CDKN2B-AS1: variants seen among roughly 807,000 people sequenced by gnomAD.
CDKN2B-AS1 encodes the protein CDKN2B antisense RNA 1 (non-protein coding).
chr9:22,048,680 AT>A (rs1406780054), intron 2 of CDKN2B-AS1, among the ~76,000 whole-genome samples: 1 of 152,150 alleles, frequency 6.6e-6, no homozygotes, highest in Non-Finnish European at 1.5e-5. Context: ...AGTACAACAA[AT>A]GAGTGAAATT....
intron 1 of CDKN2B-AS1, among the ~76,000 whole-genome samples, chr9:22,018,248 C>G (rs940062005): frequency 3.4e-5 from 5 of 149,138 alleles, no homozygotes; most frequent in Admixed American, 6.7e-5. Flanking sequence ...TGCTTGAACC[C>G]AGGAGGCAGA....
chr9:22,070,589 T>A (rs1352654787), intron 4 of CDKN2B-AS1, among the ~76,000 whole-genome samples: 1 of 152,120 alleles, frequency 6.6e-6, no homozygotes, highest in Non-Finnish European at 1.5e-5. Context: ...TAGGGCGTCC[T>A]GGGCAGAGGA....
rs1404646068 is a variant in CDKN2B-AS1, at chr9:22,000,861, C to G, written n.29+5700C>G. On this transcript the variant is annotated intron_variant and non_coding_transcript_variant, in intron 1 of 4. Transcript: ENST00000650946. The surrounding 1 kb of genome is among the most constrained non-coding windows in gnomAD (Gnocchi z 4.1). ...CCCGAAGAACAATGGATTATCCTTACATATTTGGTTTGGGATTACATTGAG... is the reference window on the plus strand; with the variant it reads ...CCCGAAGAACAATGGATTATCCTTAGATATTTGGTTTGGGATTACATTGAG... Among the ~76,000 whole-genome samples, 3 of 152,118 alleles carry G rather than the reference C, an allele frequency of 2.0e-5. No homozygotes were observed. The highest frequency in any genetic ancestry group is 2.9e-5 in the Non-Finnish European group (2 of 67,998).
intron 4 of CDKN2B-AS1, among the ~76,000 whole-genome samples, chr9:22,059,329 G>A (rs1823708036): frequency 6.6e-6 from 1 of 152,148 alleles, no homozygotes; most frequent in South Asian, 2.1e-4. Flanking sequence ...TTCCAAATGG[G>A]AGAAATTGGC....
chr9:22,087,209 G>C (rs1385971030), intron 4 of CDKN2B-AS1, among the ~76,000 whole-genome samples: 1 of 152,196 alleles, frequency 6.6e-6, no homozygotes, highest in African/African-American at 2.4e-5. Flanking sequence ...TTTAAGGTAA[G>C]TTTTCTTTCC....
At chr9:22,101,267 A>G (rs543087894) in intron 4 of CDKN2B-AS1, among the ~76,000 whole-genome samples, 1 of 150,170 alleles carries the variant, frequency 6.7e-6, no homozygotes, top group African/African-American at 2.5e-5. Context: ...AAATCTGTGT[A>G]TTACTTTCAA....
At chr9:22,011,257 C>G (rs969048998) in intron 1 of CDKN2B-AS1, among the ~76,000 whole-genome samples, 1 of 152,216 alleles carries the variant, frequency 6.6e-6, no homozygotes, top group Admixed American at 6.5e-5. Context: ...CTTTGAAAAA[C>G]CAACCTGCTC....
intron 1 of CDKN2B-AS1, among the ~76,000 whole-genome samples, chr9:22,027,402 G>A (rs1822285764): frequency 1.3e-5 from 2 of 152,038 alleles, no homozygotes; most frequent in South Asian, 4.1e-4. Flanking sequence ...AAAACTCAGA[G>A]GACAGGATAA....
At chr9:22,003,175 G>A (rs1820996999) in intron 1 of CDKN2B-AS1, 1 of 216,324 alleles carries the variant, frequency 4.6e-6, no homozygotes, top group South Asian at 1.9e-4. Flanking sequence ...CTGCCAGGTG[G>A]CTTCGAAAAT....
At chr9:22,045,797 T>C (rs1823084567) in intron 1 of CDKN2B-AS1, among the ~76,000 whole-genome samples, 1 of 152,170 alleles carries the variant, frequency 6.6e-6, no homozygotes, top group African/African-American at 2.4e-5. Context: ...GATATAGCAC[T>C]ATAAAATTCC....
intron 4 of CDKN2B-AS1, chr9:22,092,189 A>G (rs1441640555): frequency 6.6e-6 from 1 of 152,178 alleles, no homozygotes; most frequent in East Asian, 1.9e-4. Flanking sequence ...ATCATGGTGG[A>G]TAAGCCTTTT....
chr9:22,120,636 A>C (rs560715488), intron 4 of CDKN2B-AS1: 1 of 152,324 alleles, frequency 6.6e-6, no homozygotes, highest in South Asian at 2.1e-4. Flanking sequence ...TTGTTTCAAA[A>C]ATATTAAAAA....
chr9:22,110,469 G>A (rs72654214), intron 4 of CDKN2B-AS1, among the ~76,000 whole-genome samples: 43 of 152,074 alleles, frequency 2.8e-4, no homozygotes, highest in Non-Finnish European at 3.4e-4. Flanking sequence ...GTACTTTTTG[G>A]TATTTTCTTT....
At chr9:22,028,070 C>A (rs993351776) in intron 1 of CDKN2B-AS1, among the ~76,000 whole-genome samples, 33 of 152,062 alleles carry the variant, frequency 2.2e-4, no homozygotes, top group African/African-American at 7.0e-4. Context: ...ACTTGTCTGA[C>A]AAATCCAGAT....
At chr9:22,104,749 G>C (rs1017746627) in intron 4 of CDKN2B-AS1, among the ~76,000 whole-genome samples, 10 of 152,110 alleles carry the variant, frequency 6.6e-5, no homozygotes, top group African/African-American at 2.2e-4. Flanking sequence ...TAGGTGCCAG[G>C]CATTGAAGAA....
At chr9:22,114,312 C>T (rs1005582598) in intron 4 of CDKN2B-AS1, among the ~76,000 whole-genome samples, 5 of 152,280 alleles carry the variant, frequency 3.3e-5, no homozygotes, top group Admixed American at 3.3e-4. Context: ...AGTCCTGATT[C>T]TTCCTGTCCC....
chr9:22,004,264 T>G (rs1821060346), intron 1 of CDKN2B-AS1: 1 of 232,564 alleles, frequency 4.3e-6, no homozygotes, highest in Non-Finnish European at 8.5e-6. Flanking sequence ...ATTTGTGTAT[T>G]CAACTCAAAT....
At chr9:22,014,517 G>A (rs1470408792) in intron 1 of CDKN2B-AS1, among the ~76,000 whole-genome samples, 2 of 151,766 alleles carry the variant, frequency 1.3e-5, no homozygotes, top group Non-Finnish European at 2.9e-5. Flanking sequence ...ATTGCTTTCA[G>A]GTATATGTAA....
intron 1 of CDKN2B-AS1, among the ~76,000 whole-genome samples, chr9:22,045,141 T>G (rs1411224537): frequency 1.3e-5 from 2 of 151,200 alleles, no homozygotes; most frequent in African/African-American, 4.9e-5. Flanking sequence ...GCAATAGGAT[T>G]AAGAGGATAA....
Sources: gnomAD v4.1 joint callset for allele counts (sites outside exome capture counted in the v4.1 genomes callset) on GRCh38, gnomAD v4.1.1 for gene constraint, Gnocchi (gnomAD v3.1) non-coding constraint, MANE v1.5 for transcripts, NCBI Gene and HGNC (gene_info 2026-07-23, HGNC 2026-07-21) for gene names.